Variants in ZHX2 observed in about 807,000 individuals in gnomAD.
ZHX2 encodes the protein zinc fingers and homeoboxes protein 2.
Under a neutral mutation model 21.9 loss-of-function variants are expected in ZHX2, and 6 were observed. That is an observed-to-expected ratio of 0.27 (90% CI 0.15 to 0.54). The LOEUF (loss-of-function observed/expected upper bound fraction) is 0.54. Ranked by LOEUF, ZHX2 falls within the 20% of genes least tolerant of loss-of-function variation. ZHX2 has a pLI of 0.95. For synonymous variants in ZHX2, 434 were observed against 437.1 expected (o/e 0.99, Z 0.09); for missense variants, 908 against 1,090.7 (o/e 0.83, Z 2.36).
At chr8:122,830,038 A>T (rs768931196) in intron 1 of ZHX2, among the ~76,000 whole-genome samples, 2 of 152,210 alleles carry the variant, frequency 1.3e-5, no homozygotes, top group Non-Finnish European at 2.9e-5. Context: ...GGGTAAAATG[A>T]GGCTGAGACC....
chr8:122,919,157 A>G (rs895324297), intron 2 of ZHX2, among the ~76,000 whole-genome samples: 2 of 152,124 alleles, frequency 1.3e-5, no homozygotes, highest in Admixed American at 1.3e-4. Flanking sequence ...GCACTTGCTA[A>G]TCTCTCGCTT....
intron 2 of ZHX2, among the ~76,000 whole-genome samples, chr8:122,914,411 T>C (rs1207130497): frequency 6.6e-6 from 1 of 152,198 alleles, no homozygotes; most frequent in Non-Finnish European, 1.5e-5. Flanking sequence ...GCAGATGGCA[T>C]TTGCCTTCGA....
chr8:122,921,485 G>C (rs1820737778), intron 2 of ZHX2, among the ~76,000 whole-genome samples: 2 of 152,064 alleles, frequency 1.3e-5, no homozygotes, highest in African/African-American at 4.8e-5. Flanking sequence ...CCTCCCCTGG[G>C]GGTTTGGATC....
At chr8:122,941,431 A>G (rs576088145) in intron 2 of ZHX2, among the ~76,000 whole-genome samples, 1 of 152,352 alleles carries the variant, frequency 6.6e-6, no homozygotes, top group Admixed American at 6.5e-5. Context: ...AACTTTCCCA[A>G]ATCACCAACT....
At chr8:122,809,456 C>G (rs1817882758) in intron 1 of ZHX2, among the ~76,000 whole-genome samples, 1 of 151,774 alleles carries the variant, frequency 6.6e-6, no homozygotes, top group Non-Finnish European at 1.5e-5. Flanking sequence ...GCTGAGGTTG[C>G]ACCACTGCAC....
At chr8:122,966,812 A>T (rs559046710) in intron 3 of ZHX2, among the ~76,000 whole-genome samples, 339 of 152,316 alleles carry the variant, frequency 2.2e-3, no homozygotes, top group African/African-American at 7.7e-3. Flanking sequence ...TGGTCATTTC[A>T]CGTAATCCCA....
chr8:122,915,870 G>C (rs1238251163), intron 2 of ZHX2, among the ~76,000 whole-genome samples: 1 of 152,200 alleles, frequency 6.6e-6, no homozygotes, highest in Non-Finnish European at 1.5e-5. Context: ...ATAATGTTTT[G>C]CAGGCAAGGA....
chr8:122,945,580 C>A (rs897779926), intron 2 of ZHX2, among the ~76,000 whole-genome samples: 4 of 151,548 alleles, frequency 2.6e-5, no homozygotes, highest in Non-Finnish European at 5.9e-5. Flanking sequence ...GAGTCGAGAT[C>A]AAAAACATGT....
chr8:122,913,832 G>T (rs1470114926), intron 2 of ZHX2, among the ~76,000 whole-genome samples: 2 of 152,182 alleles, frequency 1.3e-5, no homozygotes, highest in Admixed American at 1.3e-4. Flanking sequence ...CAAAGGAAGG[G>T]TTATGACACC....
chr8:122,915,661 T>C (rs572146652), intron 2 of ZHX2, among the ~76,000 whole-genome samples: 1 of 152,348 alleles, frequency 6.6e-6, no homozygotes. Context: ...CTTTGGGTTC[T>C]AGCAGCATTG....
chr8:122,944,993 C>T (rs1812934780), intron 2 of ZHX2, among the ~76,000 whole-genome samples: 1 of 152,130 alleles, frequency 6.6e-6, no homozygotes. Context: ...AGAGGGAAGA[C>T]CTCAGAAAGA....
rs141008904 is a variant in ZHX2, at chr8:122,823,011, A to T, written c.-282-40466A>T. Reference sequence around the variant, plus strand: ...AAAGGACGTTGCAGGGACAGGTGGTATGTTTTCTGTAAAATTCCCTATGAG... The same window carrying T: ...AAAGGACGTTGCAGGGACAGGTGGTTTGTTTTCTGTAAAATTCCCTATGAG... On this transcript the variant is annotated intron_variant, in intron 1 of 3. Transcript: ENST00000314393. Among the ~76,000 whole-genome samples the T allele has an allele frequency of 4.7e-4, 71 of 152,298 alleles. 1 individual carries two copies. Among genetic ancestry groups the T allele is most frequent in the African/African-American group, 1.6e-3 (68 of 41,570 alleles).
At position 122,956,917 on chromosome 8, in the gene ZHX2, A is replaced by C. The variant is rs560321623; in HGVS notation, c.*4+2889A>C. On this transcript the variant is annotated intron_variant, in intron 3 of 3. Coordinates refer to ENST00000314393, the MANE Select transcript of ZHX2 (RefSeq NM_014943.5). ...CCACCACCACCAGTTGAAAATGCAC[A>C]TGGGGGTGGGATGTTATCCTGCCTG... Among the ~76,000 whole-genome samples, 11 of 152,218 alleles carry C rather than the reference A, an allele frequency of 7.2e-5. No homozygotes were observed. The East Asian group carries it at 1.9e-3, about 27-fold the overall frequency.
At chr8:122,927,279 G>C (rs1175023681) in intron 2 of ZHX2, among the ~76,000 whole-genome samples, 1 of 152,214 alleles carries the variant, frequency 6.6e-6, no homozygotes, top group Non-Finnish European at 1.5e-5. Context: ...CAGATCACTT[G>C]AGGTCAGGCA....
intron 2 of ZHX2, among the ~76,000 whole-genome samples, chr8:122,908,971 C>T (rs1295384380): frequency 6.6e-6 from 1 of 152,212 alleles, no homozygotes; most frequent in African/African-American, 2.4e-5. Flanking sequence ...TCCTCCCTTC[C>T]ATCACCACCA....
chr8:122,881,340 G>C (rs1819709853), intron 2 of ZHX2, among the ~76,000 whole-genome samples: 1 of 151,512 alleles, frequency 6.6e-6, no homozygotes, highest in African/African-American at 2.5e-5. Flanking sequence ...CTTTGCCTTT[G>C]ATCAAAATCT....
At chr8:122,786,830 C>A (rs1347998709) in intron 1 of ZHX2, among the ~76,000 whole-genome samples, 3 of 152,086 alleles carry the variant, frequency 2.0e-5, no homozygotes, top group Non-Finnish European at 2.9e-5. Flanking sequence ...GTGTCATAGC[C>A]ACATCCAGAC....
chr8:122,954,543 A>G (rs1813244713), intron 3 of ZHX2, among the ~76,000 whole-genome samples: 1 of 152,304 alleles, frequency 6.6e-6, no homozygotes, highest in Non-Finnish European at 1.5e-5. Flanking sequence ...TCCTGGACTC[A>G]AGGAATTCCT....
chr8:122,951,947 G>A lies in ZHX2; in HGVS notation c.437G>A (p.Arg146His), dbSNP rs199651758. The A allele has an allele frequency of 7.7e-5, 125 of 1,613,800 alleles. No homozygotes were observed. The highest frequency in any genetic ancestry group is 1.0e-4 in the Admixed American group (6 of 59,966). The change falls in exon 3 of 4, where the codon CGC becomes CAC. Residue 146 changes from arginine to histidine, a missense_variant. Physicochemically the swap from Arg to His is conservative, Grantham distance 29. Transcript: ENST00000314393. The part of the protein sequence containing the change: ...EANFKLKLIK[R>H]NNQTVLEQSI... ...AACTTCAAGCTGAAGTTAATTAAAC[G>A]CAATAATCAAACTGTCTTGGAACAG... is the stretch of plus-strand genomic sequence containing the variant.
Sources: allele counts gnomAD v4.1 joint callset (sites outside exome capture counted in the v4.1 genomes callset), GRCh38; gene constraint gnomAD v4.1.1; transcripts MANE v1.5; gene names NCBI Gene and HGNC (gene_info 2026-07-23, HGNC 2026-07-21).